Variants in MCHR2 observed in about 807,000 individuals in gnomAD.
The protein encoded by MCHR2 is melanin-concentrating hormone receptor 2.
A neutral mutation model predicts 24.8 loss-of-function variants in MCHR2; 15 were observed. The observed-to-expected ratio is 0.60, with a 90% CI of 0.40 to 0.93. MCHR2 has a LOEUF of 0.93. Ranked by LOEUF, MCHR2 falls within the 40% of genes least tolerant of loss-of-function variation. The probability of loss-of-function intolerance (pLI) is 0.00; values close to 1 mark genes in which losing one functional copy is unlikely to be tolerated. For missense variants in MCHR2, 386 were observed against 408.7 expected (o/e 0.94, Z 0.48); for synonymous variants, 151 against 147.6 (o/e 1.02, Z -0.17).
At chr6:99,945,317 C>T (rs1177761529) in intron 3 of MCHR2, among the ~76,000 whole-genome samples, 2 of 152,166 alleles carry the variant, frequency 1.3e-5, no homozygotes, top group African/African-American at 4.8e-5. Flanking sequence ...TTGGCTCCTA[C>T]TTACTGACTC....
rs181964389 is a variant in MCHR2, at chr6:99,965,731, A to G, written c.-27-9557T>C. Among the ~76,000 whole-genome samples the G allele has an allele frequency of 3.9e-5, 6 of 152,256 alleles. No individual in the cohort carries two copies. The East Asian group carries it at 1.2e-3, about 29-fold the overall frequency. Reference sequence around the variant, plus strand: ...AAATATGGATCATATATGCAAATGAATAGGTTTGGGAGGCATATGCATTTT... The same window carrying G: ...AAATATGGATCATATATGCAAATGAGTAGGTTTGGGAGGCATATGCATTTT... On this transcript the variant is annotated intron_variant, in intron 1 of 5. Coordinates refer to ENST00000281806, the MANE Select transcript of MCHR2 (RefSeq NM_001040179.2).
chr6:99,924,957 A>G (rs1774319109), intron 5 of MCHR2, among the ~76,000 whole-genome samples: 1 of 151,960 alleles, frequency 6.6e-6, no homozygotes, highest in African/African-American at 2.4e-5. Flanking sequence ...TTCTTTGTCA[A>G]TTTTCTGGCT....
intron 1 of MCHR2, among the ~76,000 whole-genome samples, chr6:99,972,414 T>G (rs1775445402): frequency 6.6e-6 from 1 of 152,220 alleles, no homozygotes; most frequent in African/African-American, 2.4e-5. Context: ...GATATCCCCT[T>G]TATCATTTTT....
chr6:99,958,023 C>T (rs1415233501), intron 1 of MCHR2, among the ~76,000 whole-genome samples: 1 of 151,752 alleles, frequency 6.6e-6, no homozygotes, highest in African/African-American at 2.4e-5. Flanking sequence ...GCTAAGAATA[C>T]TAAATAAACT....
rs1038906268 is a variant in MCHR2, at chr6:99,936,890, CAG to C, written c.588-2375_588-2374del. Among the ~76,000 whole-genome samples the C allele has an allele frequency of 9.9e-5, 15 of 151,482 alleles. 1 individual carries two copies. The East Asian group carries it at 2.5e-3, about 25-fold the overall frequency. On this transcript the variant is annotated intron_variant, in intron 4 of 5. Coordinates refer to ENST00000281806, the MANE Select transcript of MCHR2 (RefSeq NM_001040179.2). ...TTATGTACGTGTGTATTTTTTTAAT[CAG>C]AGTTTTATAGTTTTCCTTGTATAGA... is the stretch of plus-strand genomic sequence containing the variant.
intron 1 of MCHR2, among the ~76,000 whole-genome samples, chr6:99,971,956 G>A (rs532626443): frequency 4.7e-4 from 71 of 152,210 alleles, no homozygotes; most frequent in Non-Finnish European, 6.2e-4. Flanking sequence ...TGCTGGATTC[G>A]GTTTGCCAGT....
In MCHR2 at chr6:99,934,456, A is replaced by T; in HGVS notation, c.649T>A (p.Tyr217Asn). The T allele has an allele frequency of 6.2e-7, 1 of 1,607,192 alleles. No homozygotes were observed. Among genetic ancestry groups the T allele is most frequent in the Middle Eastern group, 1.7e-4 (1 of 6,028 alleles). Residue 217 changes from tyrosine (Y) to asparagine (N), a missense_variant, in exon 5 of 6, where the codon TAT (tyrosine) becomes AAT (asparagine). By Grantham distance (143) the Tyr-to-Asn change is moderately radical. Transcript: ENST00000281806. ...CAAGTATAGCATAAAATTAAAATAT[A>T]GCACACCAAAATCAAGGGTAGAGGG... The part of the protein sequence containing the change: ...FFPLPLILVC[Y>N]ILILCYTWEM...
At chr6:99,921,334 G>T in intron 5 of MCHR2, 79 bp from the exon 6 acceptor site, 2 of 1,330,974 alleles carry the variant, frequency 1.5e-6, no homozygotes, top group Non-Finnish European at 2.1e-6. Context: ...GAACCTTTTG[G>T]ACAGTTCATA....
Position 99,947,867 on chromosome 6 carries a change from C to T in MCHR2, c.287G>A (p.Gly96Glu), listed in dbSNP as rs200729735. The T allele has an allele frequency of 4.3e-6, 7 of 1,613,798 alleles. No individual in the cohort carries two copies. Among genetic ancestry groups the T allele is most frequent in the Non-Finnish European group, 5.9e-6 (7 of 1,179,812 alleles). ...MPFLIHQWARGGEWVFGGPLC... is the reference protein window; with the variant it reads ...MPFLIHQWAREGEWVFGGPLC... ...AGGCCCCCCAAACACCCACTCTCCC[C>T]CTCGGGCCCATTGGTGAATAAGAAA... is the stretch of plus-strand genomic sequence containing the variant. Residue 96 changes from glycine to glutamate, a missense_variant, in exon 3 of 6, where the codon GGG becomes GAG. Coordinates refer to ENST00000281806, the MANE Select transcript of MCHR2 (RefSeq NM_001040179.2).
intron 5 of MCHR2, among the ~76,000 whole-genome samples, chr6:99,933,696 A>G (rs1774591917): frequency 6.6e-6 from 1 of 152,098 alleles, no homozygotes; most frequent in African/African-American, 2.4e-5. Flanking sequence ...AACCCAGCAA[A>G]CTTGCCTTTT....
chr6:99,920,933 T>C lies in MCHR2; in HGVS notation c.*7A>G, dbSNP rs773905043. 3 of 1,612,716 alleles carry C rather than the reference T, an allele frequency of 1.9e-6. No individual in the cohort carries two copies. Among genetic ancestry groups the C allele is most frequent in the African/African-American group, 2.7e-5 (2 of 74,872 alleles). ...ATGTCTAGACTCATGGTGATCCATGTACTTTCCTAAAAGTGTGATTTCAGA... is the reference window on the plus strand; with the variant it reads ...ATGTCTAGACTCATGGTGATCCATGCACTTTCCTAAAAGTGTGATTTCAGA... On this transcript the variant is annotated 3_prime_UTR_variant, in exon 6 of 6. Transcript: ENST00000281806.
chr6:99,959,342 A>G (rs1327434701), intron 1 of MCHR2, among the ~76,000 whole-genome samples: 1 of 151,876 alleles, frequency 6.6e-6, no homozygotes, highest in Non-Finnish European at 1.5e-5. Flanking sequence ...AAAATGTTTG[A>G]GATGTCCCCT....
intron 1 of MCHR2, among the ~76,000 whole-genome samples, chr6:99,969,915 T>A (rs1485842631): frequency 6.7e-6 from 1 of 149,950 alleles, no homozygotes; most frequent in African/African-American, 2.5e-5. Flanking sequence ...GGCTGCATAG[T>A]ATTCCATGGT....
At chr6:99,962,262 G>T (rs931022723) in intron 1 of MCHR2, among the ~76,000 whole-genome samples, 1 of 152,162 alleles carries the variant, frequency 6.6e-6, no homozygotes, top group African/African-American at 2.4e-5. Flanking sequence ...TAGATAAATG[G>T]ACTAATCATG....
chr6:99,919,428 T>C lies in MCHR2; in HGVS notation c.*1512A>G, dbSNP rs1774180936. Among the ~76,000 whole-genome samples the C allele has an allele frequency of 6.6e-6, 1 of 152,220 alleles. No individual in the cohort carries two copies. Among genetic ancestry groups the C allele is most frequent in the Non-Finnish European group, 1.5e-5 (1 of 68,038 alleles). On this transcript the variant is annotated 3_prime_UTR_variant, in exon 6 of 6. Coordinates refer to ENST00000281806, the MANE Select transcript of MCHR2 (RefSeq NM_001040179.2). ...AGATATAAAAATGGTTAACTCTTTTTCTAGAAGGGGCTGGTTGAAAATTGG... is the reference window on the plus strand; with the variant it reads ...AGATATAAAAATGGTTAACTCTTTTCCTAGAAGGGGCTGGTTGAAAATTGG...
chr6:99,992,509 T>C (rs1268456739), intron 1 of MCHR2, among the ~76,000 whole-genome samples: 1 of 152,144 alleles, frequency 6.6e-6, no homozygotes, highest in Non-Finnish European at 1.5e-5. Context: ...AAAAATGAAA[T>C]TGGTTCTCTC....
At chr6:99,944,689 C>A (rs1279705006) in intron 3 of MCHR2, among the ~76,000 whole-genome samples, 1 of 152,086 alleles carries the variant, frequency 6.6e-6, no homozygotes, top group Non-Finnish European at 1.5e-5. Context: ...GCATAGCAGC[C>A]CAGCCATCAT....
intron 1 of MCHR2, among the ~76,000 whole-genome samples, chr6:99,985,949 CT>C (rs1336634414): frequency 1.3e-5 from 2 of 152,042 alleles, no homozygotes; most frequent in Admixed American, 6.5e-5. Flanking sequence ...TATTCAGAAT[CT>C]ACAAGGAACT....
chr6:99,954,954 C>A (rs914901975), intron 2 of MCHR2, among the ~76,000 whole-genome samples: 2 of 152,106 alleles, frequency 1.3e-5, no homozygotes, highest in African/African-American at 4.8e-5. Context: ...TGCAGGATAT[C>A]TCATTATGCA....
Sources: gnomAD v4.1 joint callset for allele counts (sites outside exome capture counted in the v4.1 genomes callset) on GRCh38, gnomAD v4.1.1 for gene constraint, MANE v1.5 for transcripts, NCBI Gene and HGNC (gene_info 2026-07-23, HGNC 2026-07-21) for gene names.